SDHAF4: variants seen among roughly 807,000 people sequenced by gnomAD.
The protein encoded by SDHAF4 is succinate dehydrogenase assembly factor 4, mitochondrial.
Under a neutral mutation model 14.3 loss-of-function variants are expected in SDHAF4, and 14 were observed. That is an observed-to-expected ratio of 0.98 (90% CI 0.65 to 1.53). The LOEUF (loss-of-function observed/expected upper bound fraction) is 1.53. SDHAF4 is among the 40% of genes most tolerant of loss of function. SDHAF4 has a pLI of 0.00. For missense variants in SDHAF4, 141 were observed against 129.3 expected (o/e 1.09, Z -0.44); for synonymous variants, 63 against 47.3 (o/e 1.33, Z -1.36).
chr6:70,569,953 T>A (rs1188027139), intron 1 of SDHAF4, among the ~76,000 whole-genome samples: 1 of 152,198 alleles, frequency 6.6e-6, no homozygotes, highest in Non-Finnish European at 1.5e-5. Context: ...GTTTTCATTT[T>A]TTTTCATATC....
Position 70,579,444 on chromosome 6 carries a change from A to G in SDHAF4, c.95A>G (p.Lys32Arg). 6.2e-7 allele frequency: 1 copy of G among 1,607,266 alleles called. No individual in the cohort carries two copies. Among genetic ancestry groups the G allele is most frequent in the Non-Finnish European group, 8.5e-7 (1 of 1,176,524 alleles). ...CCCCTTCTGTGTCATTCTCTGAGGA[A>G]AACAAGTTCTTCTCAAGGAGGAAAG... ...RSPLLCHSLR[K>R]TSSSQGGKSE... Residue 32 changes from lysine (K) to arginine (R), a missense_variant, in exon 2 of 3, where the codon AAA becomes AGA. Physicochemically the swap from Lys to Arg is conservative, Grantham distance 26. Transcript: ENST00000370474.
At chr6:70,584,126 C>A (rs149343728) in intron 2 of SDHAF4, among the ~76,000 whole-genome samples, 1 of 151,974 alleles carries the variant, frequency 6.6e-6, no homozygotes, top group African/African-American at 2.4e-5. Flanking sequence ...CGGGTTCAAG[C>A]GAGTCTCCTT....
At chr6:70,585,525 A>C (rs1765185556) in intron 2 of SDHAF4, among the ~76,000 whole-genome samples, 1 of 152,190 alleles carries the variant, frequency 6.6e-6, no homozygotes. Context: ...CAGCCTCCAG[A>C]GCTGTAAGAA....
Position 70,573,728 on chromosome 6 carries a change from T to G in SDHAF4, c.65-5686T>G, listed in dbSNP as rs184160911. ...TCTTGCTCTGTTGCCCTGGCTGGAG[T>G]GTAGTGGCGTGATCTCACTCACTGC... On this transcript the variant is annotated intron_variant, in intron 1 of 2. Coordinates refer to ENST00000370474, the MANE Select transcript of SDHAF4 (RefSeq NM_145267.3). 2.1e-3 allele frequency among the ~76,000 whole-genome samples: 321 copies of G among 151,152 alleles called. 1 individual carries two copies. Among genetic ancestry groups the G allele is most frequent in the Middle Eastern group, 0.01 (3 of 294 alleles).
intron 1 of SDHAF4, among the ~76,000 whole-genome samples, chr6:70,569,129 C>T (rs1349351404): frequency 2.3e-4 from 35 of 149,102 alleles, no homozygotes; most frequent in Non-Finnish European, 1.0e-4. Context: ...CCACGCCCGG[C>T]TAATTTTTGT....
intron 2 of SDHAF4, among the ~76,000 whole-genome samples, chr6:70,580,254 A>G (rs1185486272): frequency 6.6e-6 from 1 of 152,188 alleles, no homozygotes; most frequent in African/African-American, 2.4e-5. Context: ...ATCATTAGGG[A>G]AATGCAAATC....
chr6:70,569,894 T>C (rs1802158061), intron 1 of SDHAF4, among the ~76,000 whole-genome samples: 1 of 152,210 alleles, frequency 6.6e-6, no homozygotes, highest in African/African-American at 2.4e-5. Flanking sequence ...TTTAAGCCTT[T>C]ATTCTACCAG....
chr6:70,572,051 T>C (rs1802186559), intron 1 of SDHAF4, among the ~76,000 whole-genome samples: 1 of 145,498 alleles, frequency 6.9e-6, no homozygotes, highest in African/African-American at 2.6e-5. Context: ...TTTCAGTCTT[T>C]TTTTGTCTTT....
intron 1 of SDHAF4, among the ~76,000 whole-genome samples, chr6:70,571,754 A>C (rs1021119040): frequency 6.6e-6 from 1 of 152,164 alleles, no homozygotes; most frequent in African/African-American, 2.4e-5. Context: ...CACCTGCAAA[A>C]CTGTCTAGAC....
intron 2 of SDHAF4, among the ~76,000 whole-genome samples, chr6:70,583,720 C>T (rs1765167723): frequency 6.6e-6 from 1 of 152,096 alleles, no homozygotes; most frequent in South Asian, 2.1e-4. Context: ...CACAAAAAAA[C>T]TCAATGTTTT....
chr6:70,595,476 T>C, the SDHAF4 span, among the ~76,000 whole-genome samples: 1 of 152,250 alleles, frequency 6.6e-6, no homozygotes, highest in Non-Finnish European at 1.5e-5. Flanking sequence ...CTAGTTGCAA[T>C]TACTATGTGT....
Position 70,589,103 on chromosome 6 carries a change from A to C in SDHAF4, c.*379A>C, listed in dbSNP as rs555110008. ...CAACAAGAGCGAAACTCCGTCTCAAAAAAAAAGATAGGAAAGGGAAAATAT... is the reference window on the plus strand; with the variant it reads ...CAACAAGAGCGAAACTCCGTCTCAACAAAAAAGATAGGAAAGGGAAAATAT... On this transcript the variant is annotated 3_prime_UTR_variant, in exon 3 of 3. Coordinates refer to ENST00000370474, the MANE Select transcript of SDHAF4 (RefSeq NM_145267.3). 1 of 153,946 alleles carries C rather than the reference A, an allele frequency of 6.5e-6. No individual in the cohort carries two copies. The highest frequency in any genetic ancestry group is 2.4e-5 in the African/African-American group (1 of 41,516). 9.5% of individuals were successfully genotyped at this position (153,946 alleles called of 1,614,324 possible).
In SDHAF4 at chr6:70,579,502, G is replaced by T. The variant is rs368703965; in HGVS notation, c.153G>T (p.Pro51=). ...SELVKQSLKK[P]KLPEGRFDAP... is the part of the protein sequence containing the mutation. ...TTGTCAAACAGTCCCTTAAGAAGCC[G>T]AAGTTACCAGAAGGTCGTTTTGATG... Residue 51 remains proline, a synonymous_variant, in exon 2 of 3, where the codon CCG becomes CCT. Coordinates refer to ENST00000370474, the MANE Select transcript of SDHAF4 (RefSeq NM_145267.3). 30 of 1,611,472 alleles carry T rather than the reference G, an allele frequency of 1.9e-5. No individual in the cohort carries two copies. Among genetic ancestry groups the T allele is most frequent in the Non-Finnish European group, 2.5e-5 (29 of 1,178,708 alleles).
chr6:70,576,912 A>G (rs550710697), intron 1 of SDHAF4, among the ~76,000 whole-genome samples: 1 of 152,308 alleles, frequency 6.6e-6, no homozygotes, highest in African/African-American at 2.4e-5. Flanking sequence ...ATTACCACAA[A>G]TTTGGTGGCT....
chr6:70,593,923 GA>G (rs2128537156), downstream of SDHAF4, among the ~76,000 whole-genome samples: 1 of 152,212 alleles, frequency 6.6e-6, no homozygotes, highest in Admixed American at 6.5e-5. Context: ...TTGAACTCCT[GA>G]CCTCAAGGGA....
At position 70,588,842 on chromosome 6, in the gene SDHAF4, A is replaced by ATATATAT; in HGVS notation, c.*118_*119insTATATAT. Reference sequence around the variant, plus strand: ...TCGTGTAGTTTGTATAATGTGTTTAAATATATATATATATGATGGCTTTGG... The same window carrying ATATATAT: ...TCGTGTAGTTTGTATAATGTGTTTAATATATATATATATATATATATGATGGCTTTGG... On this transcript the variant is annotated 3_prime_UTR_variant, in exon 3 of 3. Transcript: ENST00000370474. 8.8e-6 allele frequency: 3 copies of ATATATAT among 339,212 alleles called. No homozygotes were observed. Among genetic ancestry groups the ATATATAT allele is most frequent in the Non-Finnish European group, 1.1e-5 (2 of 181,984 alleles). 21.0% of individuals were successfully genotyped at this position (339,212 alleles called of 1,614,324 possible).
At chr6:70,573,264 C>CTTT (rs202098262) in intron 1 of SDHAF4, among the ~76,000 whole-genome samples, 4 of 110,422 alleles carry the variant, frequency 3.6e-5, no homozygotes, top group Admixed American at 1.9e-4. Flanking sequence ...GCTATTTGGC[C>CTTT]TTTTTTTTTT....
chr6:70,572,122 G>A (rs1213917903), intron 1 of SDHAF4, among the ~76,000 whole-genome samples: 3 of 127,054 alleles, frequency 2.4e-5, no homozygotes, highest in South Asian at 2.6e-4. Context: ...AGGCTGGAGC[G>A]CAGTGGTGCG....
At chr6:70,575,318 C>T (rs986321066) in intron 1 of SDHAF4, among the ~76,000 whole-genome samples, 3 of 151,754 alleles carry the variant, frequency 2.0e-5, no homozygotes, top group Non-Finnish European at 2.9e-5. Context: ...GTGGAGGTTG[C>T]GATGAGCTGA....
Sources: gnomAD v4.1 joint callset for allele counts (sites outside exome capture counted in the v4.1 genomes callset) on GRCh38, gnomAD v4.1.1 for gene constraint, MANE v1.5 for transcripts, NCBI Gene and HGNC (gene_info 2026-07-23, HGNC 2026-07-21) for gene names.